Variants in GMDS observed in about 807,000 individuals in gnomAD.
GMDS encodes the protein GDP-mannose 4,6-dehydratase, also known as GDP-mannose 4,6 dehydratase.
In GMDS, 20 loss-of-function variants were observed where a neutral mutation model predicts 49.9. The observed-to-expected ratio is 0.40, with a 90% CI of 0.28 to 0.58. GMDS has a LOEUF of 0.58. Among genes scored for constraint, GMDS ranks in the 20% least tolerant of loss-of-function variants. The pLI is 0.42. For missense variants in GMDS, 362 were observed against 481.4 expected (o/e 0.75, Z 2.32); for synonymous variants, 177 against 178.6 (o/e 0.99, Z 0.07).
intron 1 of GMDS, among the ~76,000 whole-genome samples, chr6:2,235,804 GAAAATAAAAAAAAATAAAA>G (rs1476801026): frequency 7.2e-6 from 1 of 139,026 alleles, no homozygotes; most frequent in Non-Finnish European, 1.6e-5. Flanking sequence ...ACCCTTTCTG[GAAAATAAAAAAAAATAAAA>G]AAAATAAGAA....
At chr6:2,064,141 G>C (rs1387197543) in intron 4 of GMDS, among the ~76,000 whole-genome samples, 1 of 152,138 alleles carries the variant, frequency 6.6e-6, no homozygotes, top group Admixed American at 6.5e-5. Context: ...AGAATACAAA[G>C]AGTAGATCTC....
chr6:2,156,605 A>C (rs1219537525), intron 1 of GMDS, among the ~76,000 whole-genome samples: 1 of 152,178 alleles, frequency 6.6e-6, no homozygotes, highest in African/African-American at 2.4e-5. Context: ...TTGTTTTAAG[A>C]AATAAAAAAA....
At chr6:1,880,242 G>A (rs1327816275) in intron 7 of GMDS, among the ~76,000 whole-genome samples, 1 of 132,008 alleles carries the variant, frequency 7.6e-6, no homozygotes, top group African/African-American at 2.9e-5. Context: ...GAAGCCAGGA[G>A]TTTAAGACCA....
At chr6:2,121,260 T>C (rs1291623806) in intron 2 of GMDS, among the ~76,000 whole-genome samples, 1 of 152,156 alleles carries the variant, frequency 6.6e-6, no homozygotes, top group East Asian at 1.9e-4. Flanking sequence ...ACTTCAGCAA[T>C]GTGTAGAATT....
At position 1,907,188 on chromosome 6, in the gene GMDS, T is replaced by G. The variant is rs376309370; in HGVS notation, c.771+22915A>C. Among the ~76,000 whole-genome samples, 4 of 152,330 alleles carry G rather than the reference T, an allele frequency of 2.6e-5. No individual in the cohort carries two copies. In the South Asian group the frequency reaches 8.3e-4, roughly 32 times the overall value. ...GGCTTATGGGGAAGATGGCTTGGCATGCACGTGTCAGTGTATGTGTATCAA... is the reference window on the plus strand; with the variant it reads ...GGCTTATGGGGAAGATGGCTTGGCAGGCACGTGTCAGTGTATGTGTATCAA... On this transcript the variant is annotated intron_variant, in intron 7 of 10. Transcript: ENST00000380815.
At chr6:1,669,889 G>A (rs967885963) in intron 9 of GMDS, among the ~76,000 whole-genome samples, 1 of 131,064 alleles carries the variant, frequency 7.6e-6, no homozygotes, top group African/African-American at 2.9e-5. Context: ...CTCCAACCTG[G>A]GTGAAAAAGC....
chr6:1,634,584 C>T (rs1446762372), intron 9 of GMDS, among the ~76,000 whole-genome samples: 12 of 152,184 alleles, frequency 7.9e-5, no homozygotes, highest in African/African-American at 2.4e-5. Context: ...AGTGAGAACC[C>T]GCTCACTTTG....
chr6:1,726,385 G>T, intron 9 of GMDS, 31 bp downstream of exon 9: 1 of 1,452,088 alleles, frequency 6.9e-7, no homozygotes, highest in East Asian at 2.3e-5. Flanking sequence ...GCCAAATGTG[G>T]CCACGCACTG....
chr6:1,869,087 ACT>A (rs1487003604), intron 7 of GMDS, among the ~76,000 whole-genome samples: 1 of 152,124 alleles, frequency 6.6e-6, no homozygotes, highest in Non-Finnish European at 1.5e-5. Context: ...CCATCTTGTC[ACT>A]CTCTGAGAAG....
chr6:1,897,316 T>A (rs1231631466), intron 7 of GMDS, among the ~76,000 whole-genome samples: 2 of 152,222 alleles, frequency 1.3e-5, no homozygotes, highest in Non-Finnish European at 2.9e-5. Context: ...ATGGTCATTT[T>A]AAATTAATCA....
intron 9 of GMDS, among the ~76,000 whole-genome samples, chr6:1,637,010 T>C (rs917526237): frequency 1.3e-5 from 2 of 152,244 alleles, no homozygotes; most frequent in African/African-American, 4.8e-5. Flanking sequence ...GCATAACACC[T>C]TGAGACTGCT....
intron 1 of GMDS, among the ~76,000 whole-genome samples, chr6:2,195,583 T>G (rs1779241323): frequency 6.6e-6 from 1 of 152,182 alleles, no homozygotes; most frequent in East Asian, 1.9e-4. Context: ...TTAAAAGCCT[T>G]CTTTGGAAAT....
intron 4 of GMDS, among the ~76,000 whole-genome samples, chr6:2,092,495 T>C (rs1027042458): frequency 5.3e-5 from 8 of 152,224 alleles, no homozygotes; most frequent in African/African-American, 1.9e-4. Context: ...ACATATAGAC[T>C]ATTGTAATTA....
chr6:2,158,233 A>T (rs1346728482), intron 1 of GMDS, among the ~76,000 whole-genome samples: 2 of 152,232 alleles, frequency 1.3e-5, no homozygotes, highest in Non-Finnish European at 2.9e-5. Context: ...ATATATACAT[A>T]CATATATAAT....
chr6:2,126,043 G>A (rs1038790573), intron 1 of GMDS, among the ~76,000 whole-genome samples: 2 of 152,166 alleles, frequency 1.3e-5, no homozygotes, highest in African/African-American at 4.8e-5. Context: ...TAAAATTTCT[G>A]GGTAGGGGTC....
intron 7 of GMDS, among the ~76,000 whole-genome samples, chr6:1,903,419 C>A (rs1760600749): frequency 6.6e-6 from 1 of 152,174 alleles, no homozygotes. Flanking sequence ...TTGTGTGGAA[C>A]TAAAGGAAGA....
intron 9 of GMDS, among the ~76,000 whole-genome samples, chr6:1,644,852 T>G (rs1451304196): frequency 6.6e-6 from 1 of 152,056 alleles, no homozygotes; most frequent in African/African-American, 2.4e-5. Flanking sequence ...ATGAGGAAGC[T>G]GAGGCTTAGT....
intron 9 of GMDS, among the ~76,000 whole-genome samples, chr6:1,722,772 A>C (rs1397110866): frequency 6.6e-6 from 1 of 152,246 alleles, no homozygotes; most frequent in African/African-American, 2.4e-5. Context: ...TTTCTCTCTA[A>C]GAATGAACAC....
rs543029626 is a variant in GMDS at position 2,111,267 on chromosome 6, G to A, written c.345+4504C>T. On this transcript the variant is annotated intron_variant, in intron 4 of 10. Transcript: ENST00000380815. ...AACATTTTCTCCATCAAATGGGCAG[G>A]ACTACGCATTGGATAATTTGTTCCT... Among the ~76,000 whole-genome samples, 78 of 152,308 alleles carry A rather than the reference G, an allele frequency of 5.1e-4. 1 individual carries two copies. Among genetic ancestry groups the A allele is most frequent in the Non-Finnish European group, 9.7e-4 (66 of 68,022 alleles).
Sources: allele counts gnomAD v4.1 joint callset (sites outside exome capture counted in the v4.1 genomes callset), GRCh38; gene constraint gnomAD v4.1.1; transcripts MANE v1.5; gene names NCBI Gene and HGNC (gene_info 2026-07-23, HGNC 2026-07-21).